ZNF423: variants seen among roughly 807,000 people sequenced by gnomAD.
ZNF423 encodes the protein zinc finger protein 423, also known as Ebf-associated zinc finger protein.
ZNF423 carries 12 observed loss-of-function variants against 95.8 expected under a neutral mutation model. That is an observed-to-expected ratio of 0.13 (90% CI 0.08 to 0.20). The LOEUF (loss-of-function observed/expected upper bound fraction) is 0.20, where lower values mean the gene tolerates loss of function less well. Among genes scored for constraint, ZNF423 ranks in the 10% least tolerant of loss-of-function variants. ZNF423 has a pLI of 1.00. For missense variants in ZNF423, 1,316 were observed against 1,737.1 expected, an observed-to-expected ratio of 0.76 and a Z score of 4.31; for synonymous variants, 749 against 711.9, an observed-to-expected ratio of 1.05 and a Z score of -0.83.
intron 2 of ZNF423, among the ~76,000 whole-genome samples, chr16:49,761,922 A>G (rs1167808886): frequency 1.3e-5 from 2 of 152,194 alleles, no homozygotes; most frequent in African/African-American, 4.8e-5. Context: ...GACTCAAGTG[A>G]TCCTCCCACC....
chr16:49,495,494 AAAG>A (rs1967127001), intron 7 of ZNF423, among the ~76,000 whole-genome samples: 1 of 152,230 alleles, frequency 6.6e-6, no homozygotes. Context: ...CTCTGGAAGG[AAAG>A]AAGCCCAGCA....
At chr16:49,747,845 G>A (rs2033557225) in intron 2 of ZNF423, among the ~76,000 whole-genome samples, 2 of 152,220 alleles carry the variant, frequency 1.3e-5, no homozygotes, top group South Asian at 4.1e-4. Context: ...TGTCCCCAGG[G>A]CACAAGGCAA....
intron 5 of ZNF423, among the ~76,000 whole-genome samples, chr16:49,604,179 C>G (rs1026960608): frequency 1.3e-5 from 2 of 152,336 alleles, no homozygotes; most frequent in African/African-American, 4.8e-5. Flanking sequence ...CACCCGGGCC[C>G]CTCACCACTG....
chr16:49,495,036 C>T (rs945914438), intron 7 of ZNF423, among the ~76,000 whole-genome samples: 8 of 152,178 alleles, frequency 5.3e-5, no homozygotes, highest in Non-Finnish European at 1.0e-4. Context: ...CTTCCCACCA[C>T]CATAAAGGCT....
intron 1 of ZNF423, chr16:49,822,791 C>A: frequency 7.0e-7 from 1 of 1,436,316 alleles, no homozygotes; most frequent in Non-Finnish European, 9.5e-7. Flanking sequence ...CATGTGCAAT[C>A]TCCTGGTGAA....
In ZNF423 at chr16:49,523,861, T is replaced by C. The variant is rs535796084; in HGVS notation, c.3734-122A>G. ...GGCATAGGTACAGTCAGCCAAACAG[T>C]GGGCTACTGGGAGTGTTCTTAGCAC... is the stretch of plus-strand genomic sequence containing the variant. On this transcript the variant is annotated intron_variant, in intron 6 of 7. Transcript: ENST00000563137. The C allele has an allele frequency of 4.6e-5, 34 of 731,860 alleles. No homozygotes were observed. The African/African-American group carries it at 4.8e-4, about 10-fold the overall frequency. The allele number at this position is 731,860 out of a possible 1,614,324, so 45.3% of individuals were successfully genotyped here. A position where few individuals can be genotyped will look rare whatever the true frequency, so the allele number is the denominator to read the frequency against.
chr16:49,739,544 G>A (rs536797871), intron 2 of ZNF423, among the ~76,000 whole-genome samples: 19 of 152,216 alleles, frequency 1.2e-4, no homozygotes, highest in Non-Finnish European at 8.8e-5. Context: ...CACCTCCTCC[G>A]TGAAGGGGTG....
intron 5 of ZNF423, among the ~76,000 whole-genome samples, chr16:49,614,596 G>T (rs2151848684): frequency 6.6e-6 from 1 of 152,322 alleles, no homozygotes; most frequent in African/African-American, 2.4e-5. Context: ...AGGGCAACGG[G>T]AGGGATTCTT....
At chr16:49,494,447 G>A (rs1366779922) in intron 7 of ZNF423, among the ~76,000 whole-genome samples, 2 of 152,222 alleles carry the variant, frequency 1.3e-5, no homozygotes, top group African/African-American at 4.8e-5. Context: ...GCTCTGCTCT[G>A]CACTGGCACA....
chr16:49,571,420 G>A (rs979943532), intron 5 of ZNF423, among the ~76,000 whole-genome samples: 1 of 152,074 alleles, frequency 6.6e-6, no homozygotes, highest in Non-Finnish European at 1.5e-5. Flanking sequence ...TGCTCCGAGG[G>A]CATCAGGCCT....
chr16:49,500,091 T>G (rs1177334629), intron 7 of ZNF423, among the ~76,000 whole-genome samples: 1 of 152,138 alleles, frequency 6.6e-6, no homozygotes. Flanking sequence ...ATGGCTGTTG[T>G]CACAAGCAAA....
intron 5 of ZNF423, among the ~76,000 whole-genome samples, chr16:49,581,413 A>C (rs1464020942): frequency 6.6e-6 from 1 of 152,244 alleles, no homozygotes; most frequent in African/African-American, 2.4e-5. Context: ...TACACGAATG[A>C]AGTCTGCAGA....
At chr16:49,503,469 C>A (rs1340003888) in intron 7 of ZNF423, among the ~76,000 whole-genome samples, 1 of 152,154 alleles carries the variant, frequency 6.6e-6, no homozygotes, top group Non-Finnish European at 1.5e-5. Flanking sequence ...GCCAGGCCCC[C>A]AAACACCGCA....
intron 2 of ZNF423, among the ~76,000 whole-genome samples, chr16:49,779,225 G>C (rs1461728466): frequency 6.6e-6 from 1 of 151,936 alleles, no homozygotes; most frequent in Non-Finnish European, 1.5e-5. Context: ...CAGAGCATCA[G>C]GGAGCTGGGT....
rs565299216 is a variant in ZNF423 at position 49,490,223 on chromosome 16, C to T, written c.*1052G>A. 2 of 152,294 alleles carry T rather than the reference C, an allele frequency of 1.3e-5. No homozygotes were observed. Among genetic ancestry groups the T allele is most frequent in the African/African-American group, 2.4e-5 (1 of 41,464 alleles). 9.4% of individuals were successfully genotyped at this position (152,294 alleles called of 1,614,324 possible). On this transcript the variant is annotated 3_prime_UTR_variant, in exon 8 of 8. Coordinates refer to ENST00000563137, the MANE Select transcript of ZNF423 (RefSeq NM_001379286.1). ...AGGGAAGGGCTACCCACTTGCCTGC[C>T]TGTATCCAACAAAGGGGAAAGCCAA...
chr16:49,785,550 A>AT (rs1338574291), intron 2 of ZNF423, among the ~76,000 whole-genome samples: 1 of 152,144 alleles, frequency 6.6e-6, no homozygotes, highest in African/African-American at 2.4e-5. Flanking sequence ...GTTTGTTTTT[A>AT]TTTTTTTAAG....
At chr16:49,534,500 G>A (rs960352691) in intron 5 of ZNF423, among the ~76,000 whole-genome samples, 2 of 152,148 alleles carry the variant, frequency 1.3e-5, no homozygotes, top group African/African-American at 4.8e-5. Flanking sequence ...TGATCTGCCT[G>A]CCTTGGCCTC....
chr16:49,803,385 C>A (rs528533780), intron 1 of ZNF423, among the ~76,000 whole-genome samples: 133 of 152,330 alleles, frequency 8.7e-4, no homozygotes, highest in African/African-American at 3.1e-3. Flanking sequence ...CCAGCTGTCT[C>A]CTCCTGTAAG....
chr16:49,749,474 T>C (rs1412151155), intron 2 of ZNF423, among the ~76,000 whole-genome samples: 2 of 152,228 alleles, frequency 1.3e-5, no homozygotes, highest in East Asian at 3.8e-4. Context: ...ATACAAGCCA[T>C]ACAGAAAAGT....
Sources: gnomAD v4.1 joint callset for allele counts (sites outside exome capture counted in the v4.1 genomes callset) on GRCh38, gnomAD v4.1.1 for gene constraint, MANE v1.5 for transcripts, NCBI Gene and HGNC (gene_info 2026-07-23, HGNC 2026-07-21) for gene names.